UNC13C: variants seen among roughly 807,000 people sequenced by gnomAD.
The protein encoded by UNC13C is unc-13 homolog C.
In UNC13C, 174 loss-of-function variants were observed where a neutral mutation model predicts 245.4. That is an observed-to-expected ratio of 0.71 (90% CI 0.63 to 0.80). The LOEUF (loss-of-function observed/expected upper bound fraction) is 0.80. UNC13C is among the 30% of genes least tolerant of loss of function. The pLI is 0.00. For missense variants in UNC13C, 2,829 were observed against 2,602.9 expected, an observed-to-expected ratio of 1.09 and a Z score of -1.89; for synonymous variants, 992 against 895.1, an observed-to-expected ratio of 1.11 and a Z score of -1.93.
intron 4 of UNC13C, among the ~76,000 whole-genome samples, chr15:54,183,113 A>G (rs2033855379): frequency 6.6e-6 from 1 of 151,950 alleles, no homozygotes; most frequent in South Asian, 2.1e-4. Context: ...AACCCGAAAG[A>G]AGTTAAAAAA....
intron 10 of UNC13C, among the ~76,000 whole-genome samples, chr15:54,280,230 G>A (rs2036940242): frequency 2.0e-5 from 3 of 151,696 alleles, no homozygotes; most frequent in Admixed American, 2.0e-4. Context: ...TGTATATAGG[G>A]GAATAGTTAA....
the UNC13C span, among the ~76,000 whole-genome samples, chr15:53,844,434 G>A: frequency 6.6e-6 from 1 of 152,110 alleles, no homozygotes; most frequent in African/African-American, 2.4e-5. Context: ...TTGTTTGTTT[G>A]CTGGGGTGTG....
chr15:54,531,999 G>A (rs914975443), intron 25 of UNC13C, among the ~76,000 whole-genome samples: 3 of 151,884 alleles, frequency 2.0e-5, no homozygotes, highest in Admixed American at 6.6e-5. Context: ...TTTATATGGT[G>A]GCAGTGGCAG....
intron 2 of UNC13C, among the ~76,000 whole-genome samples, chr15:54,032,647 C>T (rs1896407531): frequency 6.6e-6 from 1 of 152,124 alleles, no homozygotes; most frequent in Non-Finnish European, 1.5e-5. Flanking sequence ...TTAGGCCAAT[C>T]CTGTCACTTA....
chr15:54,188,722 A>G (rs946559065), intron 4 of UNC13C, among the ~76,000 whole-genome samples: 5 of 152,190 alleles, frequency 3.3e-5, no homozygotes, highest in Admixed American at 3.3e-4. Flanking sequence ...CTAAAAGTAC[A>G]TGATCTCACT....
intron 18 of UNC13C, among the ~76,000 whole-genome samples, chr15:54,401,083 GT>G (rs2040172897): frequency 6.6e-6 from 1 of 151,984 alleles, no homozygotes. Context: ...CATTAATTAG[GT>G]TTACTTACTT....
chr15:54,215,092 A>C (rs1198604060), intron 4 of UNC13C, among the ~76,000 whole-genome samples: 1 of 151,864 alleles, frequency 6.6e-6, no homozygotes, highest in East Asian at 1.9e-4. Context: ...GGTATAGGTA[A>C]TTGCAAGCTC....
intron 17 of UNC13C, among the ~76,000 whole-genome samples, chr15:54,343,664 A>G (rs78074025): frequency 0.042 from 6,324 of 152,254 alleles, 413 homozygotes; most frequent in African/African-American, 0.13. Context: ...GATCTTTGTC[A>G]AAGAAAAAAT....
the UNC13C span, among the ~76,000 whole-genome samples, chr15:53,897,778 A>G: frequency 6.6e-6 from 1 of 152,198 alleles, no homozygotes; most frequent in Non-Finnish European, 1.5e-5. Flanking sequence ...GTGTATTAGC[A>G]TATTAAAAGT....
chr15:54,197,617 A>G (rs928009759), intron 4 of UNC13C, among the ~76,000 whole-genome samples: 1 of 152,166 alleles, frequency 6.6e-6, no homozygotes, highest in African/African-American at 2.4e-5. Context: ...TCACATTTAA[A>G]ACTTTGCCTG....
chr15:54,193,347 C>T (rs8041614), intron 4 of UNC13C, among the ~76,000 whole-genome samples: 142,030 of 152,238 alleles, frequency 0.93, 66,344 homozygotes, highest in South Asian at 0.98. Context: ...TGAGTGTATA[C>T]ACAACACATG....
chr15:54,093,224 A>C (rs543891120), intron 2 of UNC13C, among the ~76,000 whole-genome samples: 1 of 149,866 alleles, frequency 6.7e-6, no homozygotes, highest in African/African-American at 2.4e-5. Flanking sequence ...AATCTTGTCT[A>C]TTTTGTTCCC....
At chr15:54,270,627 A>C (rs1166170318) in intron 10 of UNC13C, among the ~76,000 whole-genome samples, 1 of 152,138 alleles carries the variant, frequency 6.6e-6, no homozygotes, top group Non-Finnish European at 1.5e-5. Context: ...TCCAACTTGA[A>C]TAGTGAGGCC....
chr15:54,181,762 C>A (rs112369892), intron 4 of UNC13C, among the ~76,000 whole-genome samples: 2,131 of 151,754 alleles, frequency 0.014, 27 homozygotes, highest in Non-Finnish European at 0.019. Flanking sequence ...AGATGGTTTA[C>A]CTTTTTGGTT....
At chr15:54,056,369 G>C (rs952381095) in intron 2 of UNC13C, among the ~76,000 whole-genome samples, 7 of 152,172 alleles carry the variant, frequency 4.6e-5, no homozygotes, top group African/African-American at 1.4e-4. Context: ...AGCAATGGAA[G>C]ACGAAATGAA....
intron 2 of UNC13C, chr15:54,049,837 A>G (rs16974006): frequency 0.018 from 4,536 of 246,930 alleles, 116 homozygotes; most frequent in Admixed American, 0.076. Flanking sequence ...TGTGAATTGT[A>G]CAGTGGGTGG....
At chr15:53,850,867 C>A in the UNC13C span, among the ~76,000 whole-genome samples, 1 of 151,042 alleles carries the variant, frequency 6.6e-6, no homozygotes, top group African/African-American at 2.4e-5. Flanking sequence ...TCATTTTTTC[C>A]AACCTTTTTT....
Position 54,528,735 on chromosome 15 carries a change from G to T in UNC13C, c.5546+3098G>T, listed in dbSNP as rs75233796. Among the ~76,000 whole-genome samples, 1,047 of 152,100 alleles carry T rather than the reference G, an allele frequency of 6.9e-3. 19 individuals carry two copies. Among genetic ancestry groups the T allele is most frequent in the African/African-American group, 0.023 (975 of 41,512 alleles). On this transcript the variant is annotated intron_variant, in intron 25 of 32. Coordinates refer to ENST00000260323, the MANE Select transcript of UNC13C (RefSeq NM_001080534.3). ...CACTGATTCGAAAATCAGTGCAAAA[G>T]AAAGTAGTCATTTCAAAGGTGATTT... is the stretch of plus-strand genomic sequence containing the variant.
intron 28 of UNC13C, among the ~76,000 whole-genome samples, chr15:54,550,744 G>A (rs548902852): frequency 6.6e-6 from 1 of 152,272 alleles, no homozygotes; most frequent in East Asian, 1.9e-4. Flanking sequence ...AAAGGTAGAT[G>A]TCACTGCCAA....
Sources: allele counts gnomAD v4.1 joint callset (sites outside exome capture counted in the v4.1 genomes callset), GRCh38; gene constraint gnomAD v4.1.1; transcripts MANE v1.5; gene names NCBI Gene and HGNC (gene_info 2026-07-23, HGNC 2026-07-21).